Variants in IL1RAPL2 observed in about 807,000 individuals in gnomAD.
IL1RAPL2 encodes the protein interleukin 1 receptor accessory protein like 2.
A neutral mutation model predicts 44.1 loss-of-function variants in IL1RAPL2; 3 were observed. The observed-to-expected ratio is 0.07, with a 90% confidence interval of 0.03 to 0.18. The LOEUF (loss-of-function observed/expected upper bound fraction) is 0.18, where lower values mean the gene tolerates loss of function less well. Among genes scored for constraint, IL1RAPL2 ranks in the 10% least tolerant of loss-of-function variants. The probability of loss-of-function intolerance (pLI) is 1.00; values close to 1 mark genes in which losing one functional copy is unlikely to be tolerated. For synonymous variants in IL1RAPL2, 181 were observed against 178.8 expected (o/e 1.01, Z -0.10); for missense variants, 391 against 496.4 (o/e 0.79, Z 2.02).
chrX:105,173,744 C>G (rs1022153318), intron 2 of IL1RAPL2, among the ~76,000 whole-genome samples: 1 of 73,920 alleles, frequency 1.4e-5, no homozygotes, highest in Non-Finnish European at 2.6e-5. Context: ...TTTTTTTTTT[C>G]TTGTTTGAGA....
chrX:105,325,541 TTATATATATATATATATATA>T (rs3035842), intron 5 of IL1RAPL2, among the ~76,000 whole-genome samples: 19 of 76,074 alleles, frequency 2.5e-4, no homozygotes, highest in African/African-American at 1.1e-3. Context: ...TCTCTTGGTT[TTATATATATATATATATATA>T]TATATATATA....
chrX:105,313,066 T>G (rs1016642604), intron 5 of IL1RAPL2, among the ~76,000 whole-genome samples: 19 of 111,729 alleles, frequency 1.7e-4, no homozygotes, highest in South Asian at 3.7e-4. Flanking sequence ...TCAAATACAC[T>G]GACATTGTCA....
intron 2 of IL1RAPL2, among the ~76,000 whole-genome samples, chrX:104,873,228 A>T (rs1006331542): frequency 9.0e-6 from 1 of 110,849 alleles, no homozygotes; most frequent in African/African-American, 3.3e-5. Context: ...TCTGTGAGGT[A>T]ACTATTATTA....
intron 2 of IL1RAPL2, among the ~76,000 whole-genome samples, chrX:104,956,609 C>T (rs748871013): frequency 9.1e-6 from 1 of 110,183 alleles, no homozygotes; most frequent in Non-Finnish European, 1.9e-5. Flanking sequence ...TGCACTCCAG[C>T]CTGGGCGACA....
At chrX:104,596,147 C>T (rs1299700402) in intron 1 of IL1RAPL2, among the ~76,000 whole-genome samples, 2 of 110,810 alleles carry the variant, frequency 1.8e-5, no homozygotes, top group South Asian at 3.8e-4. Flanking sequence ...TTTTAATTAA[C>T]ATATTAATAA....
intron 5 of IL1RAPL2, among the ~76,000 whole-genome samples, chrX:105,360,079 A>G (rs1301079609): frequency 5.4e-5 from 6 of 110,683 alleles, no homozygotes; most frequent in African/African-American, 2.0e-4. Flanking sequence ...CACCGAGCAC[A>G]TGGTTGTGTG....
At chrX:105,354,322 A>C (rs1006587197) in intron 5 of IL1RAPL2, among the ~76,000 whole-genome samples, 2 of 110,110 alleles carry the variant, frequency 1.8e-5, no homozygotes, top group Admixed American at 9.7e-5. Context: ...CTATGCAGCC[A>C]TAAAAAATGA....
intron 4 of IL1RAPL2, among the ~76,000 whole-genome samples, chrX:105,266,182 C>T (rs192787623): frequency 9.1e-6 from 1 of 109,876 alleles, no homozygotes; most frequent in Admixed American, 9.8e-5. Context: ...GCTGGGATTA[C>T]AGGCACATGA....
chrX:105,767,803 T>C lies in IL1RAPL2; in HGVS notation c.*142T>C. 1 of 462,095 alleles carries C rather than the reference T, an allele frequency of 2.2e-6. No individual in the cohort carries two copies. The allele number at this position is 462,095 out of a possible 1,213,427, so 38.1% of individuals were successfully genotyped here. A position where few individuals can be genotyped will look rare whatever the true frequency, so the allele number is the denominator to read the frequency against. ...AAATGGCTTTTATACTTAAATATTT[T>C]TGTTTACATTTCCAGAATAGTGGGG... On this transcript the variant is annotated 3_prime_UTR_variant, in exon 11 of 11. Transcript: ENST00000372582.
intron 2 of IL1RAPL2, among the ~76,000 whole-genome samples, chrX:104,841,217 T>C (rs1921893767): frequency 8.9e-6 from 1 of 111,930 alleles, no homozygotes; most frequent in Non-Finnish European, 1.9e-5. Context: ...AACCCCTGCT[T>C]CTTTTTGCTT....
intron 2 of IL1RAPL2, among the ~76,000 whole-genome samples, chrX:105,065,374 T>C (rs1176192851): frequency 2.7e-5 from 3 of 111,819 alleles, no homozygotes; most frequent in Non-Finnish European, 5.6e-5. Context: ...AGATTATTTA[T>C]ATTAATTTAT....
intron 2 of IL1RAPL2, among the ~76,000 whole-genome samples, chrX:105,043,260 G>T (rs898696175): frequency 9.0e-6 from 1 of 110,627 alleles, no homozygotes; most frequent in Non-Finnish European, 1.9e-5. Context: ...GAGAGTATTT[G>T]TGTGGCACAC....
chrX:105,672,068 G>A (rs2037829106), intron 6 of IL1RAPL2, among the ~76,000 whole-genome samples: 1 of 111,407 alleles, frequency 9.0e-6, no homozygotes, highest in African/African-American at 3.3e-5. Flanking sequence ...CTTGATTCAT[G>A]TATCTTCATA....
At chrX:104,707,213 C>G (rs1434050122) in intron 2 of IL1RAPL2, among the ~76,000 whole-genome samples, 1 of 111,267 alleles carries the variant, frequency 9.0e-6, no homozygotes, top group Non-Finnish European at 1.9e-5. Flanking sequence ...GGAAAAACAG[C>G]TCTGGAGAAT....
At chrX:105,433,217 C>A (rs368779586) in intron 5 of IL1RAPL2, among the ~76,000 whole-genome samples, 4 of 109,809 alleles carry the variant, frequency 3.6e-5, no homozygotes, top group South Asian at 3.9e-4. Context: ...TGGGAAAAAA[C>A]CCCACATTTC....
Position 105,558,598 on chromosome X carries a change from C to T in IL1RAPL2, c.772+74211C>T, listed in dbSNP as rs574122085. 2.7e-5 allele frequency among the ~76,000 whole-genome samples: 3 copies of T among 111,905 alleles called. No individual in the cohort carries two copies. In the South Asian group the frequency reaches 1.1e-3, roughly 41 times the overall value. ...ATGTAGACACTCAATAAATATTTAT[C>T]TATCTGAATAAAAAGGACAAGCTCA... On this transcript the variant is annotated intron_variant, in intron 6 of 10. Transcript: ENST00000372582.
chrX:105,059,064 G>T (rs1324134255), intron 2 of IL1RAPL2, among the ~76,000 whole-genome samples: 1 of 111,675 alleles, frequency 9.0e-6, no homozygotes, highest in Non-Finnish European at 1.9e-5. Flanking sequence ...AATAATTCAC[G>T]TCAGGGCAAA....
rs148471389 is a variant in IL1RAPL2 at position 104,902,203 on chromosome X, A to T, written c.82+243208A>T. Among the ~76,000 whole-genome samples the T allele has an allele frequency of 1.7e-3, 195 of 111,958 alleles. 3 individuals carry two copies. In the East Asian group the frequency reaches 0.036, roughly 21 times the overall value. Reference sequence around the variant, plus strand: ...TCCCTCAAAGGGGACTGCCAAGGCCAAAAGGAAATTGAACTTTGTCTTCCT... The same window carrying T: ...TCCCTCAAAGGGGACTGCCAAGGCCTAAAGGAAATTGAACTTTGTCTTCCT... On this transcript the variant is annotated intron_variant, in intron 2 of 10. Transcript: ENST00000372582.
chrX:104,838,843 CTTTCTTTTTTT>C lies in IL1RAPL2; in HGVS notation c.82+179852_82+179862del, dbSNP rs1384315271. On this transcript the variant is annotated intron_variant, in intron 2 of 10. Coordinates refer to ENST00000372582, the MANE Select transcript of IL1RAPL2 (RefSeq NM_017416.2). ...TTCTTCTTTCTTTCTTTCTTTCTTT[CTTTCTTTTTTT>C]TTTTTTTTTTTTTGAGGCAGAGTCT... is the stretch of plus-strand genomic sequence containing the variant. 9.7e-3 allele frequency among the ~76,000 whole-genome samples: 368 copies of C among 37,939 alleles called. 1 individual carries two copies. Among genetic ancestry groups the C allele is most frequent in the Middle Eastern group, 0.021 (2 of 95 alleles). 32.9% of individuals were successfully genotyped at this position (37,939 alleles called of 115,157 possible).
Sources: gnomAD v4.1 joint callset for allele counts (sites outside exome capture counted in the v4.1 genomes callset) on GRCh38, gnomAD v4.1.1 for gene constraint, MANE v1.5 for transcripts, NCBI Gene and HGNC (gene_info 2026-07-23, HGNC 2026-07-21) for gene names.